The following COX7B2 variants were observed in gnomAD, a reference collection of about 807,000 sequenced individuals.
COX7B2 encodes cytochrome c oxidase subunit 7B2, mitochondrial.
For missense variants in COX7B2, 109 were observed against 95.9 expected, an observed-to-expected ratio of 1.14 and a Z score of -0.57; for synonymous variants, 37 against 32.1, an observed-to-expected ratio of 1.15 and a Z score of -0.51.
At chr4:46,763,738 G>A (rs570125093) in intron 2 of COX7B2, among the ~76,000 whole-genome samples, 1 of 152,182 alleles carries the variant, frequency 6.6e-6, no homozygotes, top group Admixed American at 6.5e-5. Flanking sequence ...ATGGACTAAA[G>A]ACTAAACAAC....
chr4:46,735,279 T>C (rs1330105878), intron 2 of COX7B2, 38 bp from the exon 3 acceptor site: 8 of 1,444,118 alleles, frequency 5.5e-6, no homozygotes, highest in Non-Finnish European at 7.7e-6. Flanking sequence ...ATGTCCAATC[T>C]TTATTCAATT....
At chr4:46,876,178 C>T (rs540728278) in intron 1 of COX7B2, among the ~76,000 whole-genome samples, 26 of 152,242 alleles carry the variant, frequency 1.7e-4, no homozygotes, top group African/African-American at 6.3e-4. Context: ...AAAAATACAA[C>T]TGTACTAGCT....
chr4:46,816,251 C>T (rs1719545590), intron 2 of COX7B2, among the ~76,000 whole-genome samples: 1 of 152,210 alleles, frequency 6.6e-6, no homozygotes, highest in Admixed American at 6.5e-5. Flanking sequence ...CTTTAAACCT[C>T]ATGAATACTG....
chr4:46,820,726 C>A (rs866925836), intron 2 of COX7B2, among the ~76,000 whole-genome samples: 10 of 150,662 alleles, frequency 6.6e-5, no homozygotes, highest in African/African-American at 2.4e-4. Flanking sequence ...GAAGCTGAGG[C>A]AGAAGAATCA....
intron 2 of COX7B2, among the ~76,000 whole-genome samples, chr4:46,834,285 T>C (rs1020097822): frequency 2.0e-5 from 3 of 151,966 alleles, no homozygotes; most frequent in Non-Finnish European, 2.9e-5. Context: ...CAGATGGTAA[T>C]ACAAACAGGA....
chr4:46,892,253 A>G (rs143336242), intron 1 of COX7B2, among the ~76,000 whole-genome samples: 3 of 152,316 alleles, frequency 2.0e-5, no homozygotes, highest in Middle Eastern at 3.4e-3. Context: ...GCAATATTAC[A>G]CTAATTGTTT....
intron 1 of COX7B2, among the ~76,000 whole-genome samples, chr4:46,887,900 T>C (rs563729600): frequency 2.0e-5 from 3 of 152,130 alleles, no homozygotes; most frequent in South Asian, 4.2e-4. Flanking sequence ...ATGGATTCTG[T>C]TGTCGTCTCC....
At chr4:46,799,749 T>C (rs1311127659) in intron 2 of COX7B2, among the ~76,000 whole-genome samples, 2 of 152,194 alleles carry the variant, frequency 1.3e-5, no homozygotes, top group African/African-American at 4.8e-5. Context: ...TGGATTAAAT[T>C]TGCCAGTATT....
intron 2 of COX7B2, among the ~76,000 whole-genome samples, chr4:46,806,570 G>A (rs1402190929): frequency 1.3e-5 from 2 of 152,054 alleles, no homozygotes; most frequent in Admixed American, 1.3e-4. Context: ...CATTTAGCAT[G>A]AATCCTGTAT....
chr4:46,747,296 T>C (rs1162550400), intron 2 of COX7B2, among the ~76,000 whole-genome samples: 1 of 130,474 alleles, frequency 7.7e-6, no homozygotes, highest in Non-Finnish European at 1.7e-5. Context: ...TATTTTATTT[T>C]ATTTTATTTT....
At chr4:46,746,821 T>G (rs1715049112) in intron 2 of COX7B2, among the ~76,000 whole-genome samples, 1 of 152,216 alleles carries the variant, frequency 6.6e-6, no homozygotes, top group African/African-American at 2.4e-5. Context: ...CTTTGTTACT[T>G]AAACTTATTT....
At chr4:46,757,606 C>G (rs572919029) in intron 2 of COX7B2, among the ~76,000 whole-genome samples, 2 of 152,048 alleles carry the variant, frequency 1.3e-5, no homozygotes, top group African/African-American at 4.8e-5. Flanking sequence ...CATATTCTCT[C>G]GAGCCAAACT....
intron 2 of COX7B2, among the ~76,000 whole-genome samples, chr4:46,752,947 G>A (rs1362125388): frequency 6.6e-6 from 1 of 151,990 alleles, no homozygotes; most frequent in African/African-American, 2.4e-5. Flanking sequence ...GAGTCAGGGA[G>A]GAGTCCCTCT....
intron 1 of COX7B2, among the ~76,000 whole-genome samples, chr4:46,891,736 C>T (rs1459460876): frequency 6.6e-6 from 1 of 152,124 alleles, no homozygotes; most frequent in African/African-American, 2.4e-5. Flanking sequence ...AAACCTGTGT[C>T]ACTAGGCAAT....
intron 2 of COX7B2, among the ~76,000 whole-genome samples, chr4:46,825,661 C>CA (rs750061034): frequency 2.1e-4 from 32 of 152,114 alleles, no homozygotes; most frequent in Admixed American, 3.9e-4. Context: ...ACCAAAACAG[C>CA]ATGGTAATTG....
In COX7B2 at chr4:46,860,673, T is replaced by G. The variant is rs997238373; in HGVS notation, c.-104-15659A>C. On this transcript the variant is annotated intron_variant, in intron 1 of 2. Transcript: ENST00000355591. ...TGACCAACTATATCATCATTGCCCC[T>G]TCTCTAGGTCCTTTTTACTCTAATG... is the stretch of plus-strand genomic sequence containing the variant. Among the ~76,000 whole-genome samples, 17 of 152,304 alleles carry G rather than the reference T, an allele frequency of 1.1e-4. No homozygotes were observed. The South Asian group carries it at 1.2e-3, about 11-fold the overall frequency.
chr4:46,879,080 A>G (rs1718535981), intron 1 of COX7B2, among the ~76,000 whole-genome samples: 1 of 152,146 alleles, frequency 6.6e-6, no homozygotes, highest in African/African-American at 2.4e-5. Context: ...GTATATCTGG[A>G]CATAATGAAC....
At chr4:46,909,058 A>T (rs529880048) in intron 1 of COX7B2, 102 bp downstream of exon 1, 104 of 152,242 alleles carry the variant, frequency 6.8e-4, no homozygotes, top group East Asian at 1.7e-3. Flanking sequence ...AAAAAAAAAA[A>T]ATTTCAAAAT....
At chr4:46,866,319 C>G (rs1717662652) in intron 1 of COX7B2, among the ~76,000 whole-genome samples, 1 of 152,142 alleles carries the variant, frequency 6.6e-6, no homozygotes, top group South Asian at 2.1e-4. Context: ...AGATGTTACA[C>G]CACATATGGC....
Sources: gnomAD v4.1 joint callset for allele counts (sites outside exome capture counted in the v4.1 genomes callset) on GRCh38, gnomAD v4.1.1 for gene constraint, MANE v1.5 for transcripts, NCBI Gene and HGNC (gene_info 2026-07-23, HGNC 2026-07-21) for gene names.